The following RNF4 variants were observed in gnomAD, a reference collection of about 807,000 sequenced individuals.
The protein encoded by RNF4 is E3 ubiquitin-protein ligase RNF4.
Under a neutral mutation model 24.3 loss-of-function variants are expected in RNF4, and 7 were observed. The ratio of observed to expected loss-of-function variants is 0.29; its 90% CI spans 0.16 to 0.54. RNF4 has a LOEUF of 0.54. Ranked by LOEUF, RNF4 falls within the 20% of genes least tolerant of loss-of-function variation. The pLI, the probability that RNF4 is intolerant of heterozygous loss-of-function variation, is 0.95. For missense variants in RNF4, 209 were observed against 248.5 expected (o/e 0.84, Z 1.07); for synonymous variants, 83 against 84.3 (o/e 0.98, Z 0.09).
At chr4:2,513,176 T>C (rs757836910) in intron 7 of RNF4, 45 bp downstream of exon 7, 2 of 1,567,872 alleles carry the variant, frequency 1.3e-6, no homozygotes, top group Non-Finnish European at 8.8e-7. Context: ...GTTTCTAAAC[T>C]TCACTGAAAG....
intron 3 of RNF4, among the ~76,000 whole-genome samples, chr4:2,500,424 C>A (rs1024000031): frequency 9.9e-5 from 15 of 152,124 alleles, no homozygotes; most frequent in African/African-American, 3.6e-4. Context: ...TACATAACCC[C>A]CCAGGTACAT....
intron 1 of RNF4, among the ~76,000 whole-genome samples, chr4:2,474,764 C>T (rs547774035): frequency 1.3e-5 from 2 of 152,314 alleles, no homozygotes; most frequent in East Asian, 3.9e-4. Flanking sequence ...GTGGCTCACG[C>T]CTGTAATCCC....
At chr4:2,502,214 GTTT>G (rs568386619) in intron 4 of RNF4, among the ~76,000 whole-genome samples, 76 of 151,754 alleles carry the variant, frequency 5.0e-4, no homozygotes, top group Admixed American at 1.2e-3. Context: ...TTTGTTTTTT[GTTT>G]TTTGTTTTTC....
In RNF4 at chr4:2,513,665, T is replaced by C. The variant is rs911543925; in HGVS notation, c.424-5T>C. The C allele has an allele frequency of 6.2e-7, 1 of 1,613,454 alleles. No homozygotes were observed. The highest frequency in any genetic ancestry group is 1.3e-5 in the African/African-American group (1 of 74,906). On this transcript the variant is annotated splice_region_variant and splice_polypyrimidine_tract_variant and intron_variant, in intron 7 of 7. Coordinates refer to ENST00000314289, the MANE Select transcript of RNF4 (RefSeq NM_002938.5). ...TCGGAGGCTCTTCTTTTTAATGCCT[T>C]CTAGATCGTGCAGAATGGACGTCTC...
intron 1 of RNF4, among the ~76,000 whole-genome samples, chr4:2,482,851 C>G (rs200020930): frequency 1.4e-5 from 1 of 72,884 alleles, no homozygotes; most frequent in Non-Finnish European, 3.8e-5. Flanking sequence ...TGAGAACTGC[C>G]TGTCATTGGC....
chr4:2,494,393 T>TTC (rs34272606), intron 2 of RNF4, among the ~76,000 whole-genome samples: 1 of 126,474 alleles, frequency 7.9e-6, no homozygotes, highest in South Asian at 2.8e-4. Context: ...TTTTTTTTTT[T>TTC]GGAGACAGAG....
chr4:2,508,305 C>G (rs1211457600), intron 4 of RNF4, among the ~76,000 whole-genome samples: 1 of 152,192 alleles, frequency 6.6e-6, no homozygotes, highest in African/African-American at 2.4e-5. Context: ...TGTGTTACAC[C>G]TCTATCCATC....
At chr4:2,493,880 C>T (rs1035494787) in intron 2 of RNF4, among the ~76,000 whole-genome samples, 21 of 151,474 alleles carry the variant, frequency 1.4e-4, no homozygotes, top group Admixed American at 5.3e-4. Context: ...CTTGCTCTGT[C>T]GCCCAGGCTG....
At chr4:2,504,732 T>G (rs1226418091) in intron 4 of RNF4, among the ~76,000 whole-genome samples, 1 of 138,970 alleles carries the variant, frequency 7.2e-6, no homozygotes, top group African/African-American at 2.7e-5. Flanking sequence ...TTGTATTTTT[T>G]TTTTTTTTTT....
intron 2 of RNF4, among the ~76,000 whole-genome samples, chr4:2,495,509 A>T: frequency 6.6e-6 from 1 of 152,230 alleles, no homozygotes; most frequent in East Asian, 1.9e-4. Context: ...GGAACTTGAG[A>T]CTTAGTAGTG....
At chr4:2,499,686 T>C (rs1367141274) in intron 3 of RNF4, among the ~76,000 whole-genome samples, 2 of 152,198 alleles carry the variant, frequency 1.3e-5, no homozygotes, top group Non-Finnish European at 2.9e-5. Flanking sequence ...TTGGTCCATG[T>C]CCTTCTCACC....
intron 1 of RNF4, among the ~76,000 whole-genome samples, chr4:2,478,059 A>G (rs1203379387): frequency 6.6e-6 from 1 of 152,162 alleles, no homozygotes; most frequent in Non-Finnish European, 1.5e-5. Context: ...CTTGTTGGGA[A>G]CTGGAGCAAG....
intron 1 of RNF4, chr4:2,490,021 G>C (rs1735533981): frequency 6.3e-6 from 1 of 158,008 alleles, no homozygotes; most frequent in African/African-American, 2.4e-5. Context: ...TTCCTGAGGA[G>C]TTGGTGTGGT....
Position 2,515,708 on chromosome 4 carries a change from G to C in RNF4, c.*1889G>C, listed in dbSNP as rs1339538113. 1 of 152,608 alleles carries C rather than the reference G, an allele frequency of 6.6e-6. No individual in the cohort carries two copies. Among genetic ancestry groups the C allele is most frequent in the Non-Finnish European group, 1.5e-5 (1 of 68,032 alleles). 9.5% of individuals were successfully genotyped at this position (152,608 alleles called of 1,614,324 possible). A position where few individuals can be genotyped will look rare whatever the true frequency, so the allele number is the denominator to read the frequency against. ...ATTCAGAAACTGCGAACTAGGGAAA[G>C]GTTGGTATGAAGAAATGTCTTTCCT... is the stretch of plus-strand genomic sequence containing the variant. On this transcript the variant is annotated 3_prime_UTR_variant, in exon 8 of 8. Coordinates refer to ENST00000314289, the MANE Select transcript of RNF4 (RefSeq NM_002938.5).
intron 1 of RNF4, among the ~76,000 whole-genome samples, chr4:2,477,445 C>T (rs1432690563): frequency 2.0e-5 from 3 of 152,088 alleles, no homozygotes; most frequent in Admixed American, 1.3e-4. Context: ...ATTAGCTGGA[C>T]ATGGTGGTAC....
intron 3 of RNF4, among the ~76,000 whole-genome samples, chr4:2,499,013 A>G (rs1324363112): frequency 1.3e-5 from 2 of 152,196 alleles, no homozygotes; most frequent in Admixed American, 6.5e-5. Context: ...CCTGGCCAAC[A>G]TGGCGAAACC....
In RNF4 at chr4:2,512,074, C is replaced by G; in HGVS notation, c.214+109C>G. On this transcript the variant is annotated intron_variant, in intron 5 of 7. Coordinates refer to ENST00000314289, the MANE Select transcript of RNF4 (RefSeq NM_002938.5). This position sits in a 1 kb window ranked among gnomAD's most constrained non-coding sequence, Gnocchi z 4.1. ...ACCATCCCCAAGGGCTTGGAGCGCT[C>G]CAAGCAGGAAGATGCCTTCGCAGAT... 1 of 1,041,004 alleles carries G rather than the reference C, an allele frequency of 9.6e-7. No individual in the cohort carries two copies. The highest frequency in any genetic ancestry group is 1.4e-6 in the Non-Finnish European group (1 of 700,494). 64.5% of individuals were successfully genotyped at this position (1,041,004 alleles called of 1,614,324 possible). A position where few individuals can be genotyped will look rare whatever the true frequency, so the allele number is the denominator to read the frequency against.
At chr4:2,510,530 C>T (rs1473447907) in intron 4 of RNF4, among the ~76,000 whole-genome samples, 1 of 152,216 alleles carries the variant, frequency 6.6e-6, no homozygotes, top group African/African-American at 2.4e-5. Flanking sequence ...GTGCCAACAC[C>T]CTCAGCAGCT....
At chr4:2,489,283 C>A (rs187644097) in intron 1 of RNF4, among the ~76,000 whole-genome samples, 6 of 152,152 alleles carry the variant, frequency 3.9e-5, no homozygotes, top group Non-Finnish European at 8.8e-5. Flanking sequence ...GACGGGCACC[C>A]AGGGACAGGA....
Sources: gnomAD v4.1 joint callset for allele counts (sites outside exome capture counted in the v4.1 genomes callset) on GRCh38, gnomAD v4.1.1 for gene constraint, Gnocchi (gnomAD v3.1) non-coding constraint, MANE v1.5 for transcripts, NCBI Gene and HGNC (gene_info 2026-07-23, HGNC 2026-07-21) for gene names.